GSDME: variants seen among roughly 807,000 people sequenced by gnomAD.
The protein encoded by GSDME is gasdermin-E.
In GSDME, 44 loss-of-function variants were observed where a neutral mutation model predicts 47.5. The ratio of observed to expected loss-of-function variants is 0.93; its 90% CI spans 0.73 to 1.19. GSDME has a LOEUF of 1.19. Among genes scored for constraint, GSDME ranks in the 50% most tolerant of loss-of-function variants. The pLI is 0.00. For synonymous variants in GSDME, 258 were observed against 252.8 expected (o/e 1.02, Z -0.20); for missense variants, 663 against 604.2 (o/e 1.10, Z -1.02).
At chr7:24,720,847 C>T (rs1033085549) in intron 3 of GSDME, among the ~76,000 whole-genome samples, 7 of 151,208 alleles carry the variant, frequency 4.6e-5, no homozygotes, top group Non-Finnish European at 8.8e-5. Flanking sequence ...GCGGAGGTTG[C>T]GGTGAGCTGA....
At position 24,756,856 on chromosome 7, in the gene GSDME, C is replaced by T. The variant is rs28515695; in HGVS notation, c.-20+540G>A. Among the ~76,000 whole-genome samples, 4,057 of 152,268 alleles carry T rather than the reference C, an allele frequency of 0.027. 191 individuals are homozygous for T. The highest frequency in any genetic ancestry group is 0.093 in the African/African-American group (3,847 of 41,546). ...AGTGGGGCTTGGCCTCCTCCCCAAG[C>T]TAGGAGCTCTCTAGATACCGGAGCA... On this transcript the variant is annotated intron_variant, in intron 1 of 9. Coordinates refer to ENST00000645220, the MANE Select transcript of GSDME (RefSeq NM_001127453.2). The surrounding 1 kb of genome is among the most constrained non-coding windows in gnomAD (Gnocchi z 4.2).
chr7:24,724,509 A>G lies in GSDME; in HGVS notation c.405-5291T>C, dbSNP rs1789902598. Among the ~76,000 whole-genome samples, 1 of 152,306 alleles carries G rather than the reference A, an allele frequency of 6.6e-6. No homozygotes were observed. The highest frequency in any genetic ancestry group is 1.5e-5 in the Non-Finnish European group (1 of 68,024). On this transcript the variant is annotated intron_variant, in intron 3 of 9. Coordinates refer to ENST00000645220, the MANE Select transcript of GSDME (RefSeq NM_001127453.2). The surrounding 1 kb of genome is among the most constrained non-coding windows in gnomAD (Gnocchi z 4.8). ...GCGGCAACGTGAAAGCAAGAACAGGAGGCCACTGAGGCAGAGGCGTATATC... is the reference window on the plus strand; with the variant it reads ...GCGGCAACGTGAAAGCAAGAACAGGGGGCCACTGAGGCAGAGGCGTATATC...
chr7:24,701,118 G>C (rs949173295), intron 9 of GSDME, among the ~76,000 whole-genome samples: 1 of 152,194 alleles, frequency 6.6e-6, no homozygotes, highest in Non-Finnish European at 1.5e-5. Context: ...AGAAAAGACA[G>C]GGCTGCAGAT....
rs1789896686 is a variant in GSDME at position 24,724,343 on chromosome 7, C to T, written c.405-5125G>A. Reference sequence around the variant, plus strand: ...ACCCGGGCAGGACTGGAATGAGACCCTCTCCCCAAGTCCAGCCAGGAGCCA... The same window carrying T: ...ACCCGGGCAGGACTGGAATGAGACCTTCTCCCCAAGTCCAGCCAGGAGCCA... On this transcript the variant is annotated intron_variant, in intron 3 of 9. Transcript: ENST00000645220. This position sits in a 1 kb window ranked among gnomAD's most constrained non-coding sequence, Gnocchi z 4.8. 6.6e-6 allele frequency among the ~76,000 whole-genome samples: 1 copy of T among 152,064 alleles called. No homozygotes were observed. The highest frequency in any genetic ancestry group is 2.4e-5 in the African/African-American group (1 of 41,380).
In GSDME at chr7:24,735,758, CAAAA is replaced by C. The variant is rs1790284236; in HGVS notation, c.404+8800_404+8803del. The stretch of plus-strand genomic sequence containing the variant: ...GGGTGACAACAGCAAAACTCTATCT[CAAAA>C]ATAAATAAATAAATAAATAAATAAA... On this transcript the variant is annotated intron_variant, in intron 3 of 9. Transcript: ENST00000645220. The surrounding 1 kb of genome is among the most constrained non-coding windows in gnomAD (Gnocchi z 4.4). Among the ~76,000 whole-genome samples the C allele has an allele frequency of 1.7e-5, 2 of 115,338 alleles. No homozygotes were observed. Among genetic ancestry groups the C allele is most frequent in the Admixed American group, 1.0e-4 (1 of 9,678 alleles). The allele number at this position is 115,338 out of a possible 152,430, so 75.7% of individuals were successfully genotyped here. A position where few individuals can be genotyped will look rare whatever the true frequency, so the allele number is the denominator to read the frequency against.
At chr7:24,749,497 C>CCA in intron 2 of GSDME, 67 bp downstream of exon 2, 5 of 1,099,128 alleles carry the variant, frequency 4.5e-6, no homozygotes, top group Non-Finnish European at 6.5e-6. Flanking sequence ...GACTCTGTGT[C>CCA]AAAAAAAAAA....
At position 24,737,204 on chromosome 7, in the gene GSDME, A is replaced by C. The variant is rs2158062; in HGVS notation, c.404+7358T>G. On this transcript the variant is annotated intron_variant, in intron 3 of 9. Transcript: ENST00000645220. ...AGGAAAACAATACAAAAGATTAATG[A>C]AACAAAAGTTTGTTTTTTTAAAAAG... Among the ~76,000 whole-genome samples, 755 of 152,212 alleles carry C rather than the reference A, an allele frequency of 5.0e-3. 5 individuals are homozygous for C. The highest frequency in any genetic ancestry group is 0.014 in the Middle Eastern group (4 of 294).
At chr7:24,752,098 C>T (rs1326582889) in intron 1 of GSDME, among the ~76,000 whole-genome samples, 4 of 152,266 alleles carry the variant, frequency 2.6e-5, no homozygotes, top group African/African-American at 7.2e-5. Flanking sequence ...TGAGGAGCAG[C>T]CATTATGAAA....
chr7:24,710,544 A>G, intron 5 of GSDME, 156 bp from the exon 6 acceptor site: 6 of 696,648 alleles, frequency 8.6e-6, no homozygotes, highest in Non-Finnish European at 1.5e-5. Flanking sequence ...CGATCCCTAC[A>G]CACATTATGT....
chr7:24,763,303 T>C, the GSDME span, among the ~76,000 whole-genome samples: 3 of 152,026 alleles, frequency 2.0e-5, no homozygotes, highest in East Asian at 1.9e-4. The surrounding 1 kb of genome is among the most constrained non-coding windows in gnomAD (Gnocchi z 4.3). Flanking sequence ...TTTCTTTCCA[T>C]ATTGAGAACT....
At position 24,698,629 on chromosome 7, in the gene GSDME, C is replaced by G. The variant is rs919456250; in HGVS notation, c.*397G>C. On this transcript the variant is annotated 3_prime_UTR_variant, in exon 10 of 10. Transcript: ENST00000645220. Reference sequence around the variant, plus strand: ...AGCCTCTTGTGTGCAGAGAAATTGCCTTCCCACAGCATTCACAATGTAAAA... The same window carrying G: ...AGCCTCTTGTGTGCAGAGAAATTGCGTTCCCACAGCATTCACAATGTAAAA... 3 of 292,402 alleles carry G rather than the reference C, an allele frequency of 1.0e-5. No homozygotes were observed. Among genetic ancestry groups the G allele is most frequent in the African/African-American group, 6.6e-5 (3 of 45,510 alleles). The allele number at this position is 292,402 out of a possible 1,614,324, so 18.1% of individuals were successfully genotyped here. A position where few individuals can be genotyped will look rare whatever the true frequency, so the allele number is the denominator to read the frequency against.
chr7:24,710,419 T>G, intron 5 of GSDME, 31 bp from the exon 6 acceptor site: 1 of 1,613,226 alleles, frequency 6.2e-7, no homozygotes, highest in Non-Finnish European at 8.5e-7. Flanking sequence ...ACAAGTTAGG[T>G]AAAGTTGAGT....
intron 3 of GSDME, 127 bp from the exon 4 acceptor site, chr7:24,719,345 A>G: frequency 9.7e-7 from 1 of 1,035,076 alleles, no homozygotes; most frequent in South Asian, 1.3e-5. Context: ...TGATTTCCTC[A>G]TGATGAAAGG....
chr7:24,709,617 C>CCATCT (rs908416933), intron 6 of GSDME, among the ~76,000 whole-genome samples: 8 of 152,166 alleles, frequency 5.3e-5, no homozygotes, highest in African/African-American at 1.9e-4. Context: ...TTTTCCTTGC[C>CCATCT]CATCTCCTCC....
At position 24,735,873 on chromosome 7, in the gene GSDME, A is replaced by G. The variant is rs960753806; in HGVS notation, c.404+8689T>C. On this transcript the variant is annotated intron_variant, in intron 3 of 9. Coordinates refer to ENST00000645220, the MANE Select transcript of GSDME (RefSeq NM_001127453.2). The surrounding 1 kb of genome is among the most constrained non-coding windows in gnomAD (Gnocchi z 4.4). ...ATAAATAGAAAAAAGGAAAAAGTTA[A>G]GCCGGGGGACAAAGTTAAGGCGTGG... 6.6e-5 allele frequency among the ~76,000 whole-genome samples: 10 copies of G among 152,072 alleles called. No homozygotes were observed. The highest frequency in any genetic ancestry group is 2.4e-4 in the African/African-American group (10 of 41,454).
At chr7:24,720,153 T>G (rs936214052) in intron 3 of GSDME, among the ~76,000 whole-genome samples, 5 of 152,190 alleles carry the variant, frequency 3.3e-5, no homozygotes, top group African/African-American at 4.8e-5. Flanking sequence ...AGCAGAGATT[T>G]GGGGCTCCCA....
intron 9 of GSDME, among the ~76,000 whole-genome samples, chr7:24,701,031 A>G (rs1018290456): frequency 1.3e-5 from 2 of 152,298 alleles, no homozygotes; most frequent in East Asian, 1.9e-4. Context: ...AGTTCTTGGA[A>G]ATGTGTTAGT....
At chr7:24,706,588 G>A (rs1419650494) in intron 7 of GSDME, among the ~76,000 whole-genome samples, 1 of 152,236 alleles carries the variant, frequency 6.6e-6, no homozygotes, top group African/African-American at 2.4e-5. Flanking sequence ...CACGAGGGTT[G>A]GGGGCGTACT....
chr7:24,714,250 A>T lies in GSDME; in HGVS notation c.697+3004T>A, dbSNP rs992606089. Among the ~76,000 whole-genome samples, 1 of 152,268 alleles carries T rather than the reference A, an allele frequency of 6.6e-6. No homozygotes were observed. The highest frequency in any genetic ancestry group is 2.1e-4 in the South Asian group (1 of 4,820). On this transcript the variant is annotated intron_variant, in intron 5 of 9. Transcript: ENST00000645220. The surrounding 1 kb of genome is among the most constrained non-coding windows in gnomAD (Gnocchi z 5.0). ...AAGCACCTGGCCGGGATACAGATGGAGTCTGCCTCCCTTCGAGGTTTCAAA... is the reference window on the plus strand; with the variant it reads ...AAGCACCTGGCCGGGATACAGATGGTGTCTGCCTCCCTTCGAGGTTTCAAA...
Sources: gnomAD v4.1 joint callset for allele counts (sites outside exome capture counted in the v4.1 genomes callset) on GRCh38, gnomAD v4.1.1 for gene constraint, Gnocchi (gnomAD v3.1) non-coding constraint, MANE v1.5 for transcripts, NCBI Gene and HGNC (gene_info 2026-07-23, HGNC 2026-07-21) for gene names.